CDYL2: variants seen among roughly 807,000 people sequenced by gnomAD.
CDYL2 encodes chromodomain Y-like protein 2.
Under a neutral mutation model 49.4 loss-of-function variants are expected in CDYL2, and 23 were observed. The ratio of observed to expected loss-of-function variants is 0.47; its 90% CI spans 0.34 to 0.66. CDYL2 has a LOEUF of 0.66. CDYL2 is among the 30% of genes least tolerant of loss of function. CDYL2 has a pLI of 0.01. For synonymous variants in CDYL2, 360 were observed against 268.8 expected (o/e 1.34, Z -3.32); for missense variants, 678 against 656.4 (o/e 1.03, Z -0.36).
In CDYL2 at chr16:80,602,105, G is replaced by T. The variant is rs1478272038; in HGVS notation, c.*2283C>A. 6.6e-6 allele frequency: 1 copy of T among 152,186 alleles called. No individual in the cohort carries two copies. The highest frequency in any genetic ancestry group is 1.5e-5 in the Non-Finnish European group (1 of 68,030). 9.4% of individuals were successfully genotyped at this position (152,186 alleles called of 1,614,324 possible). Reference sequence around the variant, plus strand: ...GGCTCTTTCTAATGAAAATTTAGCAGTAGTGAAGACACTGTCTGCCACAAT... The same window carrying T: ...GGCTCTTTCTAATGAAAATTTAGCATTAGTGAAGACACTGTCTGCCACAAT... On this transcript the variant is annotated 3_prime_UTR_variant, in exon 7 of 7. Transcript: ENST00000570137.
At chr16:80,610,744 G>A (rs1367623376) in intron 5 of CDYL2, among the ~76,000 whole-genome samples, 1 of 152,174 alleles carries the variant, frequency 6.6e-6, no homozygotes, top group Non-Finnish European at 1.5e-5. Context: ...ACACTTTGCA[G>A]GGCCGGGAGC....
At chr16:80,745,285 T>C (rs1218864114) in intron 1 of CDYL2, among the ~76,000 whole-genome samples, 1 of 152,180 alleles carries the variant, frequency 6.6e-6, no homozygotes, top group African/African-American at 2.4e-5. Context: ...CAACCTCTTC[T>C]GTGTCACCTG....
chr16:80,770,388 C>T (rs543857170), intron 1 of CDYL2, among the ~76,000 whole-genome samples: 1 of 152,148 alleles, frequency 6.6e-6, no homozygotes, highest in Admixed American at 6.5e-5. Flanking sequence ...TAGCATCAGA[C>T]TTCTCCTCCA....
At chr16:80,702,152 T>A (rs1170752410) in intron 1 of CDYL2, among the ~76,000 whole-genome samples, 5 of 148,060 alleles carry the variant, frequency 3.4e-5, no homozygotes, top group African/African-American at 1.3e-4. Context: ...GAAAATTAAT[T>A]CCAAGAGGTT....
At chr16:80,628,956 G>C (rs1480442681) in intron 3 of CDYL2, among the ~76,000 whole-genome samples, 1 of 152,214 alleles carries the variant, frequency 6.6e-6, no homozygotes, top group African/African-American at 2.4e-5. Flanking sequence ...AAGAGCAAGA[G>C]TGAGTGAAGC....
chr16:80,607,929 A>C (rs2142359467), intron 6 of CDYL2, among the ~76,000 whole-genome samples, 163 bp downstream of exon 6: 1 of 152,348 alleles, frequency 6.6e-6, no homozygotes, highest in South Asian at 2.1e-4. Context: ...CTCTGATTGA[A>C]GCTGTCAATA....
chr16:80,734,359 G>A (rs75496795), intron 1 of CDYL2, among the ~76,000 whole-genome samples: 1 of 152,192 alleles, frequency 6.6e-6, no homozygotes. Flanking sequence ...AAGTTTTTGA[G>A]GAACACTTTC....
chr16:80,620,602 A>G (rs1597128173), intron 4 of CDYL2, among the ~76,000 whole-genome samples, 161 bp downstream of exon 4: 1 of 152,256 alleles, frequency 6.6e-6, no homozygotes, highest in East Asian at 1.9e-4. Flanking sequence ...AATAACCAAC[A>G]TTTTAAAAAT....
At chr16:80,619,561 G>C (rs1597127452) in intron 4 of CDYL2, among the ~76,000 whole-genome samples, 2 of 152,200 alleles carry the variant, frequency 1.3e-5, no homozygotes, top group Non-Finnish European at 2.9e-5. Context: ...GACGAGAGAA[G>C]CACGCTGGAA....
In CDYL2 at chr16:80,684,869, A is replaced by T; in HGVS notation, c.285T>A (p.Asp95Glu). ...SVEKLSHRPS[D>E]PGKSKGTSHK... ...GGGAGGTCCCCTTGCTCTTTCCAGGATCTGAAGGTCTGTGGGACAGTTTCT... is the reference window on the plus strand; with the variant it reads ...GGGAGGTCCCCTTGCTCTTTCCAGGTTCTGAAGGTCTGTGGGACAGTTTCT... The change falls in exon 2 of 7, where the codon GAT (aspartate) becomes GAA (glutamate). Residue 95 changes from aspartate (D) to glutamate (E), a missense_variant. Asp to Glu is a conservative substitution (Grantham distance 45, BLOSUM62 2). This residue lies in a region of CDYL2 where 478 missense variants were observed against 427.0 expected (regional missense o/e 1.12). Coordinates refer to ENST00000570137, the MANE Select transcript of CDYL2 (RefSeq NM_152342.4). 1.2e-6 allele frequency: 2 copies of T among 1,614,066 alleles called. No individual in the cohort carries two copies. The highest frequency in any genetic ancestry group is 1.7e-6 in the Non-Finnish European group (2 of 1,180,026).
At chr16:80,694,616 A>C (rs114152677) in intron 1 of CDYL2, among the ~76,000 whole-genome samples, 1,602 of 152,332 alleles carry the variant, frequency 0.011, 33 homozygotes, top group African/African-American at 0.036. Context: ...AAACATGGAA[A>C]TATAAATATA....
chr16:80,755,683 A>G (rs924714508), intron 1 of CDYL2, among the ~76,000 whole-genome samples: 8 of 152,258 alleles, frequency 5.3e-5, no homozygotes, highest in Non-Finnish European at 1.2e-4. Flanking sequence ...AGTTACAAAG[A>G]AATCACAAAG....
At chr16:80,676,246 T>G (rs1008936704) in intron 2 of CDYL2, among the ~76,000 whole-genome samples, 1 of 152,184 alleles carries the variant, frequency 6.6e-6, no homozygotes, top group African/African-American at 2.4e-5. Flanking sequence ...AGACAAAAGA[T>G]TAAAAAACCC....
chr16:80,771,115 A>T (rs561840875), intron 1 of CDYL2, among the ~76,000 whole-genome samples: 1 of 152,188 alleles, frequency 6.6e-6, no homozygotes, highest in Admixed American at 6.5e-5. Flanking sequence ...CATCTTTGTA[A>T]GTGGTTTAAG....
intron 2 of CDYL2, among the ~76,000 whole-genome samples, chr16:80,663,205 T>G (rs1213349126): frequency 2.0e-5 from 3 of 151,406 alleles, no homozygotes; most frequent in Non-Finnish European, 4.4e-5. Context: ...GGGGAGCAGA[T>G]ACAATTAACA....
At chr16:80,624,785 T>C (rs899709328) in intron 3 of CDYL2, among the ~76,000 whole-genome samples, 17 of 151,994 alleles carry the variant, frequency 1.1e-4, no homozygotes, top group African/African-American at 4.1e-4. Flanking sequence ...AAAAAGAAAC[T>C]TCTGGAAATG....
intron 1 of CDYL2, among the ~76,000 whole-genome samples, chr16:80,690,142 A>T (rs993897887): frequency 2.7e-5 from 4 of 150,764 alleles, no homozygotes; most frequent in Non-Finnish European, 5.9e-5. Context: ...AAAAATAAAA[A>T]AATAAATAGA....
At chr16:80,660,182 G>C (rs1379867809) in intron 2 of CDYL2, among the ~76,000 whole-genome samples, 1 of 151,900 alleles carries the variant, frequency 6.6e-6, no homozygotes, top group East Asian at 1.9e-4. Context: ...AAAAAATTAA[G>C]AGAAACTTAG....
At chr16:80,694,350 G>A (rs1368871880) in intron 1 of CDYL2, among the ~76,000 whole-genome samples, 1 of 152,218 alleles carries the variant, frequency 6.6e-6, no homozygotes, top group East Asian at 1.9e-4. Context: ...TAACCAGGGG[G>A]TTAGGAACCC....
Sources: gnomAD v4.1 joint callset for allele counts (sites outside exome capture counted in the v4.1 genomes callset) on GRCh38, gnomAD v4.1.1 for gene constraint, gnomAD v4.1.1 regional missense constraint, MANE v1.5 for transcripts, NCBI Gene and HGNC (gene_info 2026-07-23, HGNC 2026-07-21) for gene names.